MAP4: variants seen among roughly 807,000 people sequenced by gnomAD.
MAP4 encodes the protein microtubule-associated protein 4.
A neutral mutation model predicts 170.2 loss-of-function variants in MAP4; 76 were observed. The observed-to-expected ratio is 0.45, with a 90% CI of 0.37 to 0.54. The LOEUF (loss-of-function observed/expected upper bound fraction) is 0.54. Ranked by LOEUF, MAP4 falls within the 20% of genes least tolerant of loss-of-function variation. MAP4 has a pLI of 0.00. For missense variants in MAP4, 2,506 were observed against 2,748.0 expected, an observed-to-expected ratio of 0.91 and a Z score of 1.97; for synonymous variants, 909 against 994.5, an observed-to-expected ratio of 0.91 and a Z score of 1.62.
intron 1 of MAP4, among the ~76,000 whole-genome samples, chr3:48,073,252 TACACAC>T (rs35163339): frequency 0.04 from 5,384 of 134,414 alleles, 144 homozygotes; most frequent in Admixed American, 0.086. Flanking sequence ...TCCAAAGGAA[TACACAC>T]ACACACACAC....
At chr3:48,067,213 ACT>A (rs906379597) in intron 1 of MAP4, among the ~76,000 whole-genome samples, 1 of 151,418 alleles carries the variant, frequency 6.6e-6, no homozygotes, top group African/African-American at 2.4e-5. Flanking sequence ...TCCTGGAAAG[ACT>A]CTATCCATGC....
intron 10 of MAP4, among the ~76,000 whole-genome samples, chr3:47,901,858 C>A (rs1348313071): frequency 6.6e-6 from 1 of 152,146 alleles, no homozygotes; most frequent in Non-Finnish European, 1.5e-5. Flanking sequence ...GAAGAAGCTT[C>A]TTTTAAAGTA....
rs764844015 is a variant in MAP4, at chr3:47,871,953, T to C, written c.5905A>G (p.Arg1969Gly). 113 of 1,613,626 alleles carry C rather than the reference T, an allele frequency of 7.0e-5. No homozygotes were observed. Among genetic ancestry groups the C allele is most frequent in the Non-Finnish European group, 8.7e-5 (103 of 1,179,734 alleles). The change falls in exon 13 of 21, where the codon AGG becomes GGG. Residue 1969 changes from arginine to glycine, a missense_variant. Arg to Gly is a moderately radical substitution (Grantham distance 125). Coordinates refer to ENST00000683076, the MANE Select transcript of MAP4 (RefSeq NM_001385682.1). ...AAVASTGPSS[R>G]SPSTLLPKKP... is the part of the protein sequence containing the mutation. Reference sequence around the variant, plus strand: ...TTGGGCAGGAGCGTGGAGGGGCTCCTACTGCTTGGGCCAGTTGAGGCAACA... The same window carrying C: ...TTGGGCAGGAGCGTGGAGGGGCTCCCACTGCTTGGGCCAGTTGAGGCAACA...
intron 10 of MAP4, among the ~76,000 whole-genome samples, chr3:47,894,494 A>T (rs1206324086): frequency 6.6e-6 from 1 of 152,008 alleles, no homozygotes; most frequent in African/African-American, 2.4e-5. Flanking sequence ...GAGGCAGGAG[A>T]ATGGCGTGAA....
At chr3:48,002,977 A>ATAAAT (rs1553716103) in intron 1 of MAP4, among the ~76,000 whole-genome samples, 2,110 of 150,948 alleles carry the variant, frequency 0.014, 45 homozygotes, top group African/African-American at 0.042. Context: ...AAATAAATAA[A>ATAAAT]TAAATAAATA....
rs183527842 is a variant in MAP4, at chr3:47,871,292, C to G, written c.5942-6G>C. On this transcript the variant is annotated splice_region_variant and splice_polypyrimidine_tract_variant and intron_variant, in intron 13 of 20. Transcript: ENST00000683076. ...TTTTCCCTCAGTCTTAATGGCTGTACAAAATATACTTATTAATATAACATT... is the reference window on the plus strand; with the variant it reads ...TTTTCCCTCAGTCTTAATGGCTGTAGAAAATATACTTATTAATATAACATT... 1.2e-6 allele frequency: 2 copies of G among 1,608,054 alleles called. No individual in the cohort carries two copies. The highest frequency in any genetic ancestry group is 1.7e-6 in the Non-Finnish European group (2 of 1,174,512).
At chr3:47,992,449 G>A (rs1054912418) in intron 2 of MAP4, among the ~76,000 whole-genome samples, 1 of 151,732 alleles carries the variant, frequency 6.6e-6, no homozygotes, top group East Asian at 1.9e-4. Flanking sequence ...TTTTAGAGAC[G>A]GGGTCTCTCT....
intron 1 of MAP4, among the ~76,000 whole-genome samples, chr3:48,050,218 C>G (rs1428295031): frequency 6.7e-6 from 1 of 148,622 alleles, no homozygotes; most frequent in Non-Finnish European, 1.5e-5. Flanking sequence ...CGAGATGACA[C>G]TACTGCACTC....
At position 47,910,124 on chromosome 3, in the gene MAP4, C is replaced by G. The variant is rs753095716; in HGVS notation, c.4297G>C (p.Glu1433Gln). Residue 1433 changes from glutamate to glutamine, a missense_variant, in exon 9 of 21, where the codon GAG becomes CAG. Coordinates refer to ENST00000683076, the MANE Select transcript of MAP4 (RefSeq NM_001385682.1). ...SELINKSSPLEVLESAACEKL... is the reference protein window; with the variant it reads ...SELINKSSPLQVLESAACEKL... ...TCACAGGCTGCTGATTCCAGAACCTCTAGAGGAGATGATTTATTTATCAGC... is the reference window on the plus strand; with the variant it reads ...TCACAGGCTGCTGATTCCAGAACCTGTAGAGGAGATGATTTATTTATCAGC... 6.2e-7 allele frequency: 1 copy of G among 1,613,938 alleles called. No individual in the cohort carries two copies. The highest frequency in any genetic ancestry group is 1.1e-5 in the South Asian group (1 of 91,078).
intron 1 of MAP4, among the ~76,000 whole-genome samples, chr3:48,009,440 G>A (rs113816294): frequency 0.011 from 1,735 of 152,256 alleles, 37 homozygotes; most frequent in African/African-American, 0.039. Context: ...GGTATGCCAC[G>A]CAGCATTGCC....
chr3:47,876,141 T>C (rs2095364413), intron 11 of MAP4, among the ~76,000 whole-genome samples: 1 of 148,866 alleles, frequency 6.7e-6, no homozygotes, highest in African/African-American at 2.4e-5. Flanking sequence ...TCTTTCTTTT[T>C]TTTTTTTTTT....
At chr3:48,072,945 T>G (rs749771148) in intron 1 of MAP4, among the ~76,000 whole-genome samples, 1 of 152,028 alleles carries the variant, frequency 6.6e-6, no homozygotes, top group Non-Finnish European at 1.5e-5. Flanking sequence ...TATATTTAAT[T>G]TTAGGCCAAG....
intron 3 of MAP4, among the ~76,000 whole-genome samples, chr3:47,944,788 G>C (rs1298943609): frequency 6.6e-6 from 1 of 150,692 alleles, no homozygotes; most frequent in East Asian, 1.9e-4. Context: ...CCCTATAGAA[G>C]AATCTATGGA....
At chr3:47,898,438 G>T (rs906327988) in intron 10 of MAP4, among the ~76,000 whole-genome samples, 3 of 151,574 alleles carry the variant, frequency 2.0e-5, no homozygotes, top group East Asian at 3.9e-4. Context: ...GGAGGCAGAG[G>T]TTGCAGTGAG....
intron 1 of MAP4, among the ~76,000 whole-genome samples, chr3:48,056,979 G>T (rs1291662993): frequency 8.0e-6 from 1 of 125,698 alleles, no homozygotes; most frequent in Non-Finnish European, 1.7e-5. Context: ...GTCCGGGAGG[G>T]AGGTGGGGGG....
chr3:47,955,852 T>A (rs939953768), intron 3 of MAP4, among the ~76,000 whole-genome samples: 1 of 152,196 alleles, frequency 6.6e-6, no homozygotes, highest in Non-Finnish European at 1.5e-5. Context: ...TTGGGCCTTA[T>A]GATCTGGCAG....
chr3:47,932,539 T>C (rs1353916872), intron 3 of MAP4, among the ~76,000 whole-genome samples: 1 of 152,178 alleles, frequency 6.6e-6, no homozygotes, highest in Admixed American at 6.5e-5. Context: ...ACAATCCCAA[T>C]AACAATACAT....
At chr3:47,922,023 C>T in intron 4 of MAP4, 145 bp from the exon 5 acceptor site, 2 of 550,382 alleles carry the variant, frequency 3.6e-6, no homozygotes, top group South Asian at 2.6e-5. Flanking sequence ...TCTTGGTTCA[C>T]TGCAACCTCT....
chr3:47,996,089 ACCTGGAGAAGG>A (rs2100095407), intron 2 of MAP4, among the ~76,000 whole-genome samples: 1 of 152,148 alleles, frequency 6.6e-6, no homozygotes, highest in Non-Finnish European at 1.5e-5. Context: ...CATGGTACAG[ACCTGGAGAAGG>A]CCACCACCAT....
Sources: gnomAD v4.1 joint callset for allele counts (sites outside exome capture counted in the v4.1 genomes callset) on GRCh38, gnomAD v4.1.1 for gene constraint, MANE v1.5 for transcripts, NCBI Gene and HGNC (gene_info 2026-07-23, HGNC 2026-07-21) for gene names.